CDH18: variants seen among roughly 807,000 people sequenced by gnomAD.
CDH18 encodes the protein cadherin 18.
CDH18 carries 31 observed loss-of-function variants against 67.9 expected under a neutral mutation model. The ratio of observed to expected loss-of-function variants is 0.46; its 90% CI spans 0.34 to 0.62. CDH18 has a LOEUF of 0.62. Ranked by LOEUF, CDH18 falls within the 20% of genes least tolerant of loss-of-function variation. The probability of loss-of-function intolerance (pLI) is 0.01; values close to 1 mark genes in which losing one functional copy is unlikely to be tolerated. For synonymous variants in CDH18, 362 were observed against 347.2 expected, an observed-to-expected ratio of 1.04 and a Z score of -0.48; for missense variants, 890 against 975.5, an observed-to-expected ratio of 0.91 and a Z score of 1.17.
chr5:20,252,435 T>G (rs1373374037), intron 2 of CDH18, among the ~76,000 whole-genome samples: 1 of 152,110 alleles, frequency 6.6e-6, no homozygotes, highest in African/African-American at 2.4e-5. Flanking sequence ...TATTTTTCAA[T>G]ATTGACACCT....
chr5:19,535,139 G>T (rs1493438), intron 9 of CDH18, among the ~76,000 whole-genome samples: 3 of 151,890 alleles, frequency 2.0e-5, no homozygotes, highest in Non-Finnish European at 2.9e-5. Context: ...AAAGAAACTG[G>T]GTAACACACT....
chr5:20,447,508 C>T (rs902999026), intron 1 of CDH18, among the ~76,000 whole-genome samples: 2 of 152,098 alleles, frequency 1.3e-5, no homozygotes, highest in East Asian at 1.9e-4. Context: ...AAGCAGAGAC[C>T]AATTCTCACT....
chr5:20,144,516 A>G (rs900020862), intron 2 of CDH18, among the ~76,000 whole-genome samples: 3 of 152,164 alleles, frequency 2.0e-5, no homozygotes, highest in Non-Finnish European at 2.9e-5. Context: ...TTGCTTCAGG[A>G]TAAGTCAGAG....
At chr5:20,474,034 AATAATT>A (rs1425961122) in intron 1 of CDH18, among the ~76,000 whole-genome samples, 1 of 152,162 alleles carries the variant, frequency 6.6e-6, no homozygotes, top group Non-Finnish European at 1.5e-5. Flanking sequence ...ACAAGATTGA[AATAATT>A]ATATTTTATG....
At chr5:20,089,312 G>T (rs1034730532) in intron 2 of CDH18, among the ~76,000 whole-genome samples, 1 of 151,910 alleles carries the variant, frequency 6.6e-6, no homozygotes, top group Admixed American at 6.6e-5. Context: ...GGTCTTTGTA[G>T]ACTTTCCCGT....
rs1242949807 is a variant in CDH18, at chr5:19,640,760, A to G, written c.644-28159T>C. Reference sequence around the variant, plus strand: ...AAAAGATGAAATATTTCAAATAAACAGTATAACATTAAGCCTCAAGAAACT... The same window carrying G: ...AAAAGATGAAATATTTCAAATAAACGGTATAACATTAAGCCTCAAGAAACT... On this transcript the variant is annotated intron_variant, in intron 5 of 12. Coordinates refer to ENST00000382275, the MANE Select transcript of CDH18 (RefSeq NM_004934.5). 3.3e-5 allele frequency among the ~76,000 whole-genome samples: 5 copies of G among 152,194 alleles called. No individual in the cohort carries two copies. In the East Asian group the frequency reaches 7.7e-4, roughly 24 times the overall value.
At chr5:20,535,653 G>C (rs527610123) in intron 1 of CDH18, among the ~76,000 whole-genome samples, 1 of 152,130 alleles carries the variant, frequency 6.6e-6, no homozygotes, top group Non-Finnish European at 1.5e-5. Flanking sequence ...TATAACTCAG[G>C]CTTCTCCCTC....
chr5:20,139,984 G>C (rs188919433), intron 2 of CDH18, among the ~76,000 whole-genome samples: 42 of 152,158 alleles, frequency 2.8e-4, no homozygotes, highest in African/African-American at 1.0e-3. Flanking sequence ...ACCCAAAGGA[G>C]TATAAATCAT....
At chr5:19,543,612 T>C (rs1011080454) in intron 9 of CDH18, among the ~76,000 whole-genome samples, 2 of 152,094 alleles carry the variant, frequency 1.3e-5, no homozygotes, top group African/African-American at 4.8e-5. Flanking sequence ...GAGAACCAAA[T>C]GCCCTTGACT....
chr5:20,412,370 A>G (rs1746861640), intron 1 of CDH18, among the ~76,000 whole-genome samples: 2 of 152,356 alleles, frequency 1.3e-5, no homozygotes, highest in Middle Eastern at 3.4e-3. Context: ...AATTAACTCA[A>G]GATGGAATAA....
chr5:19,861,880 T>G (rs1417718556), intron 2 of CDH18, among the ~76,000 whole-genome samples: 1 of 152,180 alleles, frequency 6.6e-6, no homozygotes. Flanking sequence ...GCTATTTGAC[T>G]GGGTATTGAA....
intron 2 of CDH18, among the ~76,000 whole-genome samples, chr5:19,860,440 T>C (rs1456529940): frequency 1.3e-5 from 2 of 151,724 alleles, no homozygotes; most frequent in Non-Finnish European, 2.9e-5. Context: ...CTTCTTTTTT[T>C]TTTTTCCTAT....
chr5:20,214,943 T>C (rs1249940900), intron 2 of CDH18, among the ~76,000 whole-genome samples: 1 of 152,016 alleles, frequency 6.6e-6, no homozygotes, highest in African/African-American at 2.4e-5. Context: ...AAACTATGCA[T>C]CTGATAAGGG....
intron 1 of CDH18, among the ~76,000 whole-genome samples, chr5:20,501,506 T>A (rs530380991): frequency 2.8e-4 from 7 of 25,302 alleles, no homozygotes; most frequent in Non-Finnish European, 4.6e-4. Context: ...TATACATATT[T>A]TATATATATT....
At chr5:20,214,576 G>A (rs1740608955) in intron 2 of CDH18, among the ~76,000 whole-genome samples, 1 of 151,866 alleles carries the variant, frequency 6.6e-6, no homozygotes, top group African/African-American at 2.4e-5. Flanking sequence ...GACCAAAGCT[G>A]ACAAAGCAAT....
intron 2 of CDH18, among the ~76,000 whole-genome samples, chr5:20,140,582 A>G (rs1343253787): frequency 6.6e-6 from 1 of 152,128 alleles, no homozygotes; most frequent in Admixed American, 6.6e-5. Context: ...GTCCAGATGC[A>G]ACTTCCAACA....
intron 7 of CDH18, 60 bp from the exon 8 acceptor site, chr5:19,571,892 T>TA: frequency 7.4e-7 from 1 of 1,354,748 alleles, no homozygotes; most frequent in East Asian, 2.3e-5. Context: ...ATGACTTTCA[T>TA]TACTTTTCAA....
chr5:19,846,075 T>A (rs1004883485), intron 2 of CDH18, among the ~76,000 whole-genome samples: 3 of 152,092 alleles, frequency 2.0e-5, no homozygotes, highest in Non-Finnish European at 2.9e-5. Flanking sequence ...GTAGCTATTT[T>A]TATCCCTGTT....
chr5:20,196,407 C>T lies in CDH18; in HGVS notation c.-518+59037G>A, dbSNP rs149090286. 8.7e-4 allele frequency among the ~76,000 whole-genome samples: 132 copies of T among 152,268 alleles called. No homozygotes were observed. In the Middle Eastern group the frequency reaches 0.031, roughly 35 times the overall value. On this transcript the variant is annotated intron_variant, in intron 2 of 14. Transcript: ENST00000507958. ...TATCAAGGTATTGTTCAAGAGCACA[C>T]GGCTAATATGTGAGGGATCCAGAAA... is the stretch of plus-strand genomic sequence containing the variant.
Sources: allele counts gnomAD v4.1 joint callset (sites outside exome capture counted in the v4.1 genomes callset), GRCh38; gene constraint gnomAD v4.1.1; transcripts MANE v1.5; gene names NCBI Gene and HGNC (gene_info 2026-07-23, HGNC 2026-07-21).